The following RAVER2 variants were observed in gnomAD, a reference collection of about 807,000 sequenced individuals.
RAVER2 encodes ribonucleoprotein, PTB binding 2.
Under a neutral mutation model 78.1 loss-of-function variants are expected in RAVER2, and 46 were observed. The observed-to-expected ratio is 0.59, with a 90% confidence interval of 0.46 to 0.75. RAVER2 has a LOEUF of 0.75. Among genes scored for constraint, RAVER2 ranks in the 30% least tolerant of loss-of-function variants. The probability of loss-of-function intolerance (pLI) is 0.00; values close to 1 mark genes in which losing one functional copy is unlikely to be tolerated. For synonymous variants in RAVER2, 311 were observed against 313.3 expected (o/e 0.99, Z 0.08); for missense variants, 793 against 837.5 (o/e 0.95, Z 0.66).
intron 4 of RAVER2, among the ~76,000 whole-genome samples, chr1:64,782,556 T>C (rs1451696664): frequency 6.6e-6 from 1 of 152,240 alleles, no homozygotes; most frequent in East Asian, 1.9e-4. Flanking sequence ...GAGATACTTG[T>C]ACTAAAATAT....
chr1:64,816,258 C>G (rs1007752222), intron 11 of RAVER2: 2 of 152,130 alleles, frequency 1.3e-5, no homozygotes, highest in African/African-American at 4.8e-5. Flanking sequence ...TGGAGAAATT[C>G]TGTGATAATG....
chr1:64,832,768 T>C (rs150408599), exon 12 of RAVER2: 7 of 152,312 alleles, frequency 4.6e-5, no homozygotes, highest in African/African-American at 1.7e-4. Context: ...GAATTAGGCA[T>C]CATTCAGTGA....
intron 1 of RAVER2, among the ~76,000 whole-genome samples, chr1:64,752,119 A>G (rs955379513): frequency 6.6e-6 from 1 of 152,212 alleles, no homozygotes; most frequent in Non-Finnish European, 1.5e-5. Flanking sequence ...TTCCAGATCT[A>G]TTCTCGACCC....
chr1:64,824,430 C>T (rs1653960044), intron 11 of RAVER2, among the ~76,000 whole-genome samples: 1 of 152,270 alleles, frequency 6.6e-6, no homozygotes, highest in South Asian at 2.1e-4. Flanking sequence ...GTAATGAATG[C>T]TGTGTGGATT....
chr1:64,798,575 A>G (rs1286911102), intron 5 of RAVER2, among the ~76,000 whole-genome samples: 2 of 152,172 alleles, frequency 1.3e-5, no homozygotes, highest in Non-Finnish European at 2.9e-5. Flanking sequence ...GTGTTTTGAT[A>G]TCTGTTATTT....
chr1:64,757,575 A>C (rs961661720), intron 1 of RAVER2, among the ~76,000 whole-genome samples: 2 of 152,108 alleles, frequency 1.3e-5, no homozygotes, highest in Admixed American at 6.5e-5. Context: ...TGAGGAAATA[A>C]ATTTCTGTTG....
intron 1 of RAVER2, among the ~76,000 whole-genome samples, chr1:64,762,974 T>C (rs1363509801): frequency 6.6e-6 from 1 of 152,170 alleles, no homozygotes; most frequent in Non-Finnish European, 1.5e-5. Context: ...ATATTTGCAA[T>C]ACCAATATTT....
intron 1 of RAVER2, among the ~76,000 whole-genome samples, chr1:64,748,515 A>C (rs1474289736): frequency 1.3e-5 from 2 of 152,248 alleles, no homozygotes; most frequent in Non-Finnish European, 2.9e-5. Flanking sequence ...ACAGTAAAGA[A>C]CAGTGAATCT....
At chr1:64,781,068 C>G (rs1017241017) in intron 3 of RAVER2, among the ~76,000 whole-genome samples, 22 of 151,952 alleles carry the variant, frequency 1.4e-4, no homozygotes, top group Non-Finnish European at 1.5e-4. Flanking sequence ...TTATTGTGTC[C>G]TCATGTTTTC....
intron 1 of RAVER2, among the ~76,000 whole-genome samples, chr1:64,758,889 A>G (rs1466925807): frequency 6.7e-6 from 1 of 150,122 alleles, no homozygotes; most frequent in Non-Finnish European, 1.5e-5. Context: ...GATATTTGAA[A>G]GAAAAATATT....
chr1:64,803,569 C>T (rs1465576388), intron 6 of RAVER2, among the ~76,000 whole-genome samples: 1 of 152,028 alleles, frequency 6.6e-6, no homozygotes, highest in Non-Finnish European at 1.5e-5. Context: ...TCATTAATTT[C>T]AGGTACTGTT....
chr1:64,829,525 G>A lies in RAVER2; in HGVS notation c.1930-1314G>A, dbSNP rs77975560. On this transcript the variant is annotated intron_variant, in intron 11 of 11. Transcript: ENST00000294428. ...CAAGAGGCTGGAGACTGGGAGGAAG[G>A]GTTTTTGGGGCAGAGGCTCCACCTA... Among the ~76,000 whole-genome samples, 21 of 152,326 alleles carry A rather than the reference G, an allele frequency of 1.4e-4. No individual in the cohort carries two copies. The East Asian group carries it at 2.7e-3, about 20-fold the overall frequency.
intron 1 of RAVER2, among the ~76,000 whole-genome samples, chr1:64,748,216 T>A (rs986769669): frequency 6.6e-6 from 1 of 152,250 alleles, no homozygotes; most frequent in African/African-American, 2.4e-5. Context: ...GTGCATTCAG[T>A]CAAGCCCTGT....
intron 1 of RAVER2, among the ~76,000 whole-genome samples, chr1:64,753,527 T>G (rs1201826869): frequency 6.8e-6 from 1 of 146,580 alleles, no homozygotes; most frequent in Non-Finnish European, 1.5e-5. Context: ...AGAATTCTTT[T>G]TTTTTTTTTT....
chr1:64,807,371 A>T, exon 9 of RAVER2: 1 of 1,614,180 alleles, frequency 6.2e-7, no homozygotes, highest in Non-Finnish European at 8.5e-7. Context: ...TCAGGGTCGC[A>T]GCCTTATCTT....
At chr1:64,804,835 T>G in exon 7 of RAVER2, 1 of 1,530,470 alleles carries the variant, frequency 6.5e-7, no homozygotes, top group African/African-American at 1.4e-5. Context: ...TTCATACTAA[T>G]AATGTAAGTA....
At chr1:64,766,049 A>G (rs866533737) in intron 1 of RAVER2, among the ~76,000 whole-genome samples, 2 of 152,178 alleles carry the variant, frequency 1.3e-5, no homozygotes, top group Non-Finnish European at 2.9e-5. Flanking sequence ...CTGCTTTGCC[A>G]TGGAAGCTAT....
exon 5 of RAVER2, chr1:64,789,409 T>G: frequency 2.5e-6 from 4 of 1,608,948 alleles, no homozygotes; most frequent in Non-Finnish European, 3.4e-6. Context: ...TCAAAAGGGC[T>G]TACTTCCAGA....
At chr1:64,830,212 T>C (rs975244905) in intron 11 of RAVER2, among the ~76,000 whole-genome samples, 4 of 152,202 alleles carry the variant, frequency 2.6e-5, no homozygotes, top group African/African-American at 9.7e-5. Context: ...TGCTGATCAC[T>C]GTGACCACTT....
Sources: allele counts gnomAD v4.1 joint callset (sites outside exome capture counted in the v4.1 genomes callset), GRCh38; gene constraint gnomAD v4.1.1; transcripts MANE v1.5; gene names NCBI Gene and HGNC (gene_info 2026-07-23, HGNC 2026-07-21).